Variants in FGF14 observed in about 807,000 individuals in gnomAD.
FGF14 encodes fibroblast growth factor homologous factor 4.
Under a neutral mutation model 25.5 loss-of-function variants are expected in FGF14, and 5 were observed. The observed-to-expected ratio is 0.20, with a 90% CI of 0.10 to 0.41. FGF14 has a LOEUF of 0.41. FGF14 is among the 10% of genes least tolerant of loss of function. The pLI is 1.00. For synonymous variants in FGF14, 138 were observed against 118.3 expected, an observed-to-expected ratio of 1.17 and a Z score of -1.08; for missense variants, 222 against 320.1, an observed-to-expected ratio of 0.69 and a Z score of 2.34.
At chr13:102,205,890 G>GAGC (rs1290112546) in intron 1 of FGF14, among the ~76,000 whole-genome samples, 1 of 149,836 alleles carries the variant, frequency 6.7e-6, no homozygotes, top group Non-Finnish European at 1.5e-5. Context: ...AAGCCATGAG[G>GAGC]AGCATCACAC....
chr13:102,387,072 T>C (rs4328306), intron 1 of FGF14, among the ~76,000 whole-genome samples: 8 of 152,208 alleles, frequency 5.3e-5, no homozygotes, highest in Non-Finnish European at 1.0e-4. Flanking sequence ...TTATAAACCA[T>C]GATTTCCAAT....
chr13:102,298,005 T>C (rs1003976414), intron 1 of FGF14, among the ~76,000 whole-genome samples: 1 of 152,142 alleles, frequency 6.6e-6, no homozygotes, highest in African/African-American at 2.4e-5. Flanking sequence ...TTATACACAT[T>C]GTACTGTTGC....
Position 101,810,946 on chromosome 13 carries a change from T to C in FGF14, c.408+57779A>G, listed in dbSNP as rs941045423. Among the ~76,000 whole-genome samples the C allele has an allele frequency of 3.3e-5, 5 of 152,152 alleles. No homozygotes were observed. The East Asian group carries it at 5.8e-4, about 18-fold the overall frequency. Reference sequence around the variant, plus strand: ...TTATTTAAAAAAACACACACTTAATTTTTAGAGCAGTTTTAGGTCACAGCC... The same window carrying C: ...TTATTTAAAAAAACACACACTTAATCTTTAGAGCAGTTTTAGGTCACAGCC... On this transcript the variant is annotated intron_variant, in intron 3 of 4. Coordinates refer to ENST00000376143, the MANE Select transcript of FGF14 (RefSeq NM_004115.4).
chr13:102,003,031 CTCCAAAAT>C (rs2039584224), intron 1 of FGF14: 1 of 152,098 alleles, frequency 6.6e-6, no homozygotes, highest in African/African-American at 2.4e-5. Context: ...TATGGAAAAA[CTCCAAAAT>C]TTAGTATAGA....
chr13:101,721,652 T>TAA lies in FGF14; in HGVS notation c.*1177_*1178dup, dbSNP rs1352359226. 5 of 151,952 alleles carry TAA rather than the reference T, an allele frequency of 3.3e-5. No homozygotes were observed. The highest frequency in any genetic ancestry group is 7.3e-5 in the African/African-American group (3 of 41,278). 9.4% of individuals were successfully genotyped at this position (151,952 alleles called of 1,614,324 possible). A position where few individuals can be genotyped will look rare whatever the true frequency, so the allele number is the denominator to read the frequency against. ...ACTTGTCATTAAACACCAAAAATAT[T>TAA]AAAGTCTAATTAATTTATAACTAAC... On this transcript the variant is annotated 3_prime_UTR_variant, in exon 5 of 5. Coordinates refer to ENST00000376143, the MANE Select transcript of FGF14 (RefSeq NM_004115.4).
intron 1 of FGF14, among the ~76,000 whole-genome samples, chr13:102,361,582 A>T (rs2139041086): frequency 6.6e-6 from 1 of 152,214 alleles, no homozygotes; most frequent in Non-Finnish European, 1.5e-5. Flanking sequence ...GTTTTCCCTG[A>T]ATGTTTTCTG....
chr13:101,748,522 A>G (rs2037045724), intron 3 of FGF14, among the ~76,000 whole-genome samples: 2 of 151,766 alleles, frequency 1.3e-5, no homozygotes, highest in Non-Finnish European at 2.9e-5. Flanking sequence ...TAAATTCTTT[A>G]ATGGGTACAA....
chr13:102,195,793 A>G (rs75206194), intron 1 of FGF14, among the ~76,000 whole-genome samples: 2 of 148,688 alleles, frequency 1.3e-5, no homozygotes, highest in South Asian at 4.2e-4. Flanking sequence ...CCCAGTCTCA[A>G]AAAAAAAAAA....
At chr13:102,371,776 C>G (rs892121315) in intron 1 of FGF14, among the ~76,000 whole-genome samples, 8 of 152,184 alleles carry the variant, frequency 5.3e-5, no homozygotes, top group African/African-American at 1.9e-4. Context: ...AAGGAGAATT[C>G]AGTGTGTTAT....
intron 1 of FGF14, among the ~76,000 whole-genome samples, chr13:102,065,517 A>G (rs2042866204): frequency 6.6e-6 from 1 of 152,252 alleles, no homozygotes; most frequent in East Asian, 1.9e-4. Context: ...AGAAAATAAC[A>G]TGGTTTATTT....
At chr13:101,850,486 A>ATGC (rs1249633784) in intron 3 of FGF14, among the ~76,000 whole-genome samples, 1 of 1,164 alleles carries the variant, frequency 8.6e-4, no homozygotes, top group African/African-American at 2.1e-3. Flanking sequence ...ATATATATAT[A>ATGC]TATATATATA....
chr13:102,132,034 G>GT lies in FGF14; in HGVS notation c.209-256739dup, dbSNP rs142916897. On this transcript the variant is annotated intron_variant, in intron 1 of 4. Coordinates refer to the FGF14 transcript ENST00000376131. ...GTTTTTTTTGTTTTGTTTTGTTTTG[G>GT]TTTTTTTTGCCTTAAGACACAATAC... Among the ~76,000 whole-genome samples, 794 of 151,622 alleles carry GT rather than the reference G, an allele frequency of 5.2e-3. 3 individuals carry two copies. The highest frequency in any genetic ancestry group is 0.017 in the African/African-American group (719 of 41,346).
intron 3 of FGF14, among the ~76,000 whole-genome samples, chr13:101,791,668 C>T (rs1319591458): frequency 6.6e-6 from 1 of 152,164 alleles, no homozygotes; most frequent in Non-Finnish European, 1.5e-5. Context: ...ACCAAGATCA[C>T]TCAAGATGAC....
In FGF14 at chr13:102,068,635, T is replaced by G. The variant is rs373500601; in HGVS notation, c.209-193339A>C. ...CACCCGGGCCAGCGGCTGCAGAGGG[T>G]GTACTGGGTCCCCCAGCAGTGCCAG... is the stretch of plus-strand genomic sequence containing the variant. On this transcript the variant is annotated intron_variant, in intron 1 of 4. Transcript: ENST00000376131. 4.7e-3 allele frequency among the ~76,000 whole-genome samples: 717 copies of G among 152,144 alleles called. 9 individuals carry two copies. Among genetic ancestry groups the G allele is most frequent in the African/African-American group, 0.016 (654 of 41,506 alleles).
At chr13:102,354,716 A>C (rs1416659805) in intron 1 of FGF14, among the ~76,000 whole-genome samples, 1 of 152,100 alleles carries the variant, frequency 6.6e-6, no homozygotes, top group Non-Finnish European at 1.5e-5. Context: ...TAAACTTCTA[A>C]ATTGATTGAG....
At chr13:102,162,692 T>C (rs1039686408) in intron 1 of FGF14, among the ~76,000 whole-genome samples, 11 of 152,318 alleles carry the variant, frequency 7.2e-5, no homozygotes, top group African/African-American at 2.6e-4. Flanking sequence ...AAATTTGGTT[T>C]ATAAATGGAA....
intron 1 of FGF14, among the ~76,000 whole-genome samples, chr13:102,242,571 T>C (rs147043619): frequency 3.3e-4 from 50 of 152,174 alleles, no homozygotes; most frequent in African/African-American, 1.2e-3. Context: ...TCCACGAATA[T>C]GAGCCCACTC....
chr13:102,039,487 C>A (rs1595077713), intron 1 of FGF14, among the ~76,000 whole-genome samples: 1 of 152,246 alleles, frequency 6.6e-6, no homozygotes, highest in South Asian at 2.1e-4. Flanking sequence ...GAGGGAGAAT[C>A]CATCCCATGG....
intron 1 of FGF14, among the ~76,000 whole-genome samples, chr13:101,973,428 C>T (rs116408597): frequency 2.1e-3 from 317 of 152,140 alleles, no homozygotes; most frequent in African/African-American, 7.3e-3. Context: ...ACTGGATGAA[C>T]GTATTAGTCA....
Sources: gnomAD v4.1 joint callset for allele counts (sites outside exome capture counted in the v4.1 genomes callset) on GRCh38, gnomAD v4.1.1 for gene constraint, MANE v1.5 for transcripts, NCBI Gene and HGNC (gene_info 2026-07-23, HGNC 2026-07-21) for gene names.